Variants in MACF1 observed in about 807,000 individuals in gnomAD.
The protein encoded by MACF1 is microtubule actin crosslinking factor 1.
A neutral mutation model predicts 854.8 loss-of-function variants in MACF1; 193 were observed. That is an observed-to-expected ratio of 0.23 (90% CI 0.20 to 0.25). The LOEUF (loss-of-function observed/expected upper bound fraction) is 0.25, where lower values mean the gene tolerates loss of function less well. Ranked by LOEUF, MACF1 falls within the 10% of genes least tolerant of loss-of-function variation. MACF1 has a pLI of 1.00. For synonymous variants in MACF1, 3,185 were observed against 3,226.7 expected (o/e 0.99, Z 0.44); for missense variants, 7,722 against 8,929.1 (o/e 0.86, Z 5.45).
Position 39,334,370 on chromosome 1 carries a change from C to G in MACF1, c.7782C>G (p.Thr2594=), listed in dbSNP as rs763526144. The change falls in exon 37 of 101, where the codon ACC becomes ACG. Residue 2594 remains threonine (T), a synonymous_variant. Transcript: ENST00000564288. The part of the protein sequence containing the change: ...FVDLISGQRL[T]LAEAKKEGLL... ...ATCTCATTTCTGGTCAGAGATTGAC[C>G]TTGGCAGAAGCTAAAAAAGAAGGAC... is the stretch of plus-strand genomic sequence containing the variant. The G allele has an allele frequency of 6.2e-7, 1 of 1,613,910 alleles. No homozygotes were observed. The highest frequency in any genetic ancestry group is 1.7e-5 in the Admixed American group (1 of 60,006).
intron 2 of MACF1, among the ~76,000 whole-genome samples, chr1:39,163,952 C>T (rs1443585521): frequency 6.6e-6 from 1 of 152,086 alleles, no homozygotes; most frequent in African/African-American, 2.4e-5. Flanking sequence ...TCATATTTTG[C>T]TGTATTTCTG....
chr1:39,109,028 C>A (rs1311430230), intron 2 of MACF1, among the ~76,000 whole-genome samples: 1 of 152,142 alleles, frequency 6.6e-6, no homozygotes, highest in Non-Finnish European at 1.5e-5. Flanking sequence ...AGTGAAGAGT[C>A]TGCATATTAC....
intron 2 of MACF1, among the ~76,000 whole-genome samples, chr1:39,088,344 C>T (rs1460650659): frequency 6.6e-6 from 1 of 152,164 alleles, no homozygotes. Context: ...TTGCCTTGGC[C>T]TTCCAAAATG....
chr1:39,312,750 G>A lies in MACF1; in HGVS notation c.3270+1750G>A, dbSNP rs374513398. 3.3e-5 allele frequency among the ~76,000 whole-genome samples: 5 copies of A among 150,810 alleles called. No homozygotes were observed. The East Asian group carries it at 7.9e-4, about 24-fold the overall frequency. ...TGAGGTATGAGAATCACTTGAACCCGGGAGGTGGAGGTTGCAGTGAGCCGA... is the reference window on the plus strand; with the variant it reads ...TGAGGTATGAGAATCACTTGAACCCAGGAGGTGGAGGTTGCAGTGAGCCGA... On this transcript the variant is annotated intron_variant, in intron 26 of 100. Coordinates refer to ENST00000564288, the MANE Select transcript of MACF1 (RefSeq NM_001394062.1).
In MACF1 at chr1:39,335,079, T is replaced by G; in HGVS notation, c.8491T>G (p.Ser2831Ala). 3 of 1,614,120 alleles carry G rather than the reference T, an allele frequency of 1.9e-6. No individual in the cohort carries two copies. Among genetic ancestry groups the G allele is most frequent in the South Asian group, 2.2e-5 (2 of 91,074 alleles). ...SAQEKVKVRVSDGEQAKKSRE... is the reference protein window; with the variant it reads ...SAQEKVKVRVADGEQAKKSRE... ...ACAAGAAAAGGTTAAAGTGAGAGTT[T>G]CTGATGGGGAGCAGGCAAAAAAGAG... Residue 2831 changes from serine (S) to alanine (A), a missense_variant, in exon 37 of 101, where the codon TCT becomes GCT. This residue lies in a region of MACF1 where 1,531 missense variants were observed against 1,601.6 expected (regional missense o/e 0.96). Transcript: ENST00000564288.
intron 47 of MACF1, among the ~76,000 whole-genome samples, chr1:39,359,891 G>T (rs1040495443): frequency 6.8e-6 from 1 of 147,512 alleles, no homozygotes; most frequent in African/African-American, 2.5e-5. Flanking sequence ...GGAGGCTGAG[G>T]CAGGAGAATG....
intron 15 of MACF1, among the ~76,000 whole-genome samples, chr1:39,289,038 A>C (rs1645712945): frequency 6.6e-6 from 1 of 152,190 alleles, no homozygotes; most frequent in South Asian, 2.1e-4. Flanking sequence ...AATAACCTCT[A>C]GTTCCATCCA....
At chr1:39,315,478 T>C in intron 26 of MACF1, 35 bp from the exon 27 acceptor site, 1 of 1,605,436 alleles carries the variant, frequency 6.2e-7, no homozygotes. Flanking sequence ...TGTTCAATTC[T>C]GTCTCCCTCT....
At chr1:39,413,988 C>T (rs780038736) in intron 58 of MACF1, 3 of 1,607,222 alleles carry the variant, frequency 1.9e-6, no homozygotes, top group East Asian at 4.5e-5. Flanking sequence ...CAGAGGAGCC[C>T]ACCTCCCCAG....
At chr1:39,410,482 A>G (rs942345973) in intron 58 of MACF1, 12 of 1,613,932 alleles carry the variant, frequency 7.4e-6, no homozygotes, top group South Asian at 2.2e-5. Flanking sequence ...TATATCCAGC[A>G]ATGGTACATT....
At chr1:39,085,378 G>T (rs1231789627) in intron 2 of MACF1, among the ~76,000 whole-genome samples, 1 of 152,218 alleles carries the variant, frequency 6.6e-6, no homozygotes, top group Non-Finnish European at 1.5e-5. Flanking sequence ...GTACGGATAG[G>T]AAGATAGAGC....
rs1288927290 is a variant in MACF1, at chr1:39,411,903, T to G, written c.15817-10471T>G. On this transcript the variant is annotated intron_variant, in intron 58 of 100. Coordinates refer to ENST00000564288, the MANE Select transcript of MACF1 (RefSeq NM_001394062.1). ...GATATTTTAATACCCTGGATTCTTC[T>G]CAGGTGCCTAATGCTGTGGAACTTA... 6 of 1,613,980 alleles carry G rather than the reference T, an allele frequency of 3.7e-6. No individual in the cohort carries two copies. In the South Asian group the frequency reaches 6.6e-5, roughly 18 times the overall value.
At chr1:39,246,316 A>G (rs1284932654) in intron 2 of MACF1, among the ~76,000 whole-genome samples, 1 of 152,196 alleles carries the variant, frequency 6.6e-6, no homozygotes, top group Non-Finnish European at 1.5e-5. Flanking sequence ...GAATTCTGGT[A>G]TTTCCAGCTG....
At chr1:39,239,822 C>CA (rs1194760887) in intron 2 of MACF1, among the ~76,000 whole-genome samples, 1 of 152,200 alleles carries the variant, frequency 6.6e-6, no homozygotes, top group Non-Finnish European at 1.5e-5. Flanking sequence ...CCTGGCTTTC[C>CA]TGGAATTTTA....
chr1:39,368,347 G>T, intron 50 of MACF1, 33 bp downstream of exon 50: 2 of 1,585,986 alleles, frequency 1.3e-6, no homozygotes, highest in Non-Finnish European at 1.7e-6. Flanking sequence ...CAGCATTGGG[G>T]AACTATTTTT....
At chr1:39,413,682 C>T (rs1643141764) in intron 58 of MACF1, 3 of 1,602,554 alleles carry the variant, frequency 1.9e-6, no homozygotes, top group African/African-American at 1.4e-5. Context: ...CAGTGCCCAC[C>T]CCAGAGGAGC....
chr1:39,335,508 A>G lies in MACF1; in HGVS notation c.8920A>G (p.Lys2974Glu), dbSNP rs745549273. The change falls in exon 37 of 101, where the codon AAG becomes GAG. Residue 2974 changes from lysine (K) to glutamate (E), a missense_variant. By Grantham distance (56) the Lys-to-Glu change is moderately conservative (BLOSUM62 1). This residue lies in a region of MACF1 where 854 missense variants were observed against 852.6 expected (regional missense o/e 1.00). Transcript: ENST00000564288. ...QQPMNARVKS[K>E]REKREVIVEE... ...ACCAATGAATGCTCGGGTGAAAAGT[A>G]AGAGAGAGAAGAGGGAGGTGATTGT... 3 of 1,614,182 alleles carry G rather than the reference A, an allele frequency of 1.9e-6. No individual in the cohort carries two copies. The highest frequency in any genetic ancestry group is 2.5e-6 in the Non-Finnish European group (3 of 1,180,016).
intron 99 of MACF1, 66 bp downstream of exon 99, chr1:39,481,096 G>T (rs1645004220): frequency 3.1e-6 from 3 of 955,714 alleles, no homozygotes; most frequent in Non-Finnish European, 3.3e-6. Context: ...GACTTGACCA[G>T]CTCTTCTTCC....
At chr1:39,263,934 C>A (rs1028911004) in intron 6 of MACF1, among the ~76,000 whole-genome samples, 9 of 151,800 alleles carry the variant, frequency 5.9e-5, no homozygotes, top group Non-Finnish European at 1.2e-4. Context: ...CCACCACACC[C>A]GGCTAATTTT....
Sources: gnomAD v4.1 joint callset for allele counts (sites outside exome capture counted in the v4.1 genomes callset) on GRCh38, gnomAD v4.1.1 for gene constraint, gnomAD v4.1.1 regional missense constraint, MANE v1.5 for transcripts, NCBI Gene and HGNC (gene_info 2026-07-23, HGNC 2026-07-21) for gene names.